THRB: variants seen among roughly 807,000 people sequenced by gnomAD.
The protein encoded by THRB is thyroid hormone receptor beta, also known as nuclear receptor subfamily 1 group A member 2.
THRB carries 12 observed loss-of-function variants against 47.8 expected under a neutral mutation model. The ratio of observed to expected loss-of-function variants is 0.25; its 90% CI spans 0.16 to 0.41. The LOEUF (loss-of-function observed/expected upper bound fraction) is 0.41. THRB is among the 10% of genes least tolerant of loss of function. The pLI, the probability that THRB is intolerant of heterozygous loss-of-function variation, is 1.00. For missense variants in THRB, 348 were observed against 589.2 expected (o/e 0.59, Z 4.24); for synonymous variants, 218 against 212.2 (o/e 1.03, Z -0.24).
Position 24,222,970 on chromosome 3 carries a change from G to A in THRB, c.22+5968C>T, listed in dbSNP as rs866612154. On this transcript the variant is annotated intron_variant, in intron 4 of 10. Transcript: ENST00000646209. ...CAATAAACCTCCAGATTTCCCTTCA[G>A]AATGGCTATGCCAGGAGCGTGTCCA... 2.0e-5 allele frequency among the ~76,000 whole-genome samples: 3 copies of A among 152,182 alleles called. No homozygotes were observed. In the South Asian group the frequency reaches 6.2e-4, roughly 32 times the overall value.
At chr3:24,205,596 C>T (rs1456598004) in intron 4 of THRB, among the ~76,000 whole-genome samples, 5 of 152,130 alleles carry the variant, frequency 3.3e-5, no homozygotes, top group African/African-American at 9.7e-5. Context: ...CATCAACTAA[C>T]GAGCAAAATA....
intron 3 of THRB, among the ~76,000 whole-genome samples, chr3:24,272,300 C>T (rs530864095): frequency 5.9e-5 from 9 of 151,938 alleles, no homozygotes; most frequent in Admixed American, 4.6e-4. Flanking sequence ...GAGTAGTGAT[C>T]GCACCACTGC....
chr3:24,371,384 C>A (rs185405608), intron 1 of THRB, among the ~76,000 whole-genome samples: 142 of 152,168 alleles, frequency 9.3e-4, no homozygotes, highest in Non-Finnish European at 1.8e-3. Context: ...AGACATGATT[C>A]CTACCATGTC....
chr3:24,339,778 CAG>C (rs776916814), intron 1 of THRB, among the ~76,000 whole-genome samples: 1 of 152,170 alleles, frequency 6.6e-6, no homozygotes, highest in Non-Finnish European at 1.5e-5. Flanking sequence ...CTTTAGGAAA[CAG>C]GGGCTGTGAA....
intron 1 of THRB, among the ~76,000 whole-genome samples, chr3:24,389,567 T>C (rs2066396538): frequency 6.6e-6 from 1 of 152,192 alleles, no homozygotes; most frequent in Non-Finnish European, 1.5e-5. Flanking sequence ...GCCTTTCAGG[T>C]TCTCAGCGAG....
intron 3 of THRB, among the ~76,000 whole-genome samples, chr3:24,261,515 A>AAC (rs1332532834): frequency 2.9e-4 from 42 of 145,738 alleles, no homozygotes; most frequent in African/African-American, 1.0e-3. Flanking sequence ...AAAAAAAAAA[A>AAC]AAACCAAAAA....
chr3:24,193,997 T>C (rs956374670), intron 4 of THRB, among the ~76,000 whole-genome samples: 1 of 152,238 alleles, frequency 6.6e-6, no homozygotes, highest in African/African-American at 2.4e-5. Context: ...AAGTGGAGAC[T>C]ATTATTCTAA....
intron 3 of THRB, among the ~76,000 whole-genome samples, chr3:24,259,053 C>T (rs1213065182): frequency 3.9e-5 from 6 of 152,168 alleles, no homozygotes; most frequent in African/African-American, 1.4e-4. Flanking sequence ...ATGCTTCCTT[C>T]GTGCCCCCAC....
chr3:24,358,779 C>T (rs1415804881), intron 1 of THRB, among the ~76,000 whole-genome samples: 3 of 152,054 alleles, frequency 2.0e-5, no homozygotes, highest in African/African-American at 4.8e-5. Flanking sequence ...TCCATAAGAA[C>T]ATCAGAAACC....
chr3:24,196,536 T>C (rs1361994286), intron 4 of THRB, among the ~76,000 whole-genome samples: 1 of 152,182 alleles, frequency 6.6e-6, no homozygotes, highest in African/African-American at 2.4e-5. Flanking sequence ...CTCTCTTCCC[T>C]TGCCTTACTC....
chr3:24,237,608 A>G (rs551442847), intron 3 of THRB, among the ~76,000 whole-genome samples: 1 of 152,274 alleles, frequency 6.6e-6, no homozygotes, highest in Admixed American at 6.5e-5. Flanking sequence ...TACAAAGAGC[A>G]TTGGCCTTGC....
chr3:24,308,001 G>A (rs981386830), intron 2 of THRB, among the ~76,000 whole-genome samples: 4 of 152,082 alleles, frequency 2.6e-5, no homozygotes, highest in East Asian at 3.9e-4. Context: ...TTGCCCATCC[G>A]GCAAAGAAAG....
At chr3:24,128,856 C>T in intron 9 of THRB, among the ~76,000 whole-genome samples, 1 of 78,756 alleles carries the variant, frequency 1.3e-5, no homozygotes, top group Non-Finnish European at 2.9e-5. Flanking sequence ...AAGAAGGAAA[C>T]ATAACTCTTT....
At chr3:24,214,061 G>C (rs918258910) in intron 4 of THRB, among the ~76,000 whole-genome samples, 1 of 152,160 alleles carries the variant, frequency 6.6e-6, no homozygotes, top group Admixed American at 6.5e-5. Flanking sequence ...ACTGACATAA[G>C]TAATGATCAT....
intron 3 of THRB, among the ~76,000 whole-genome samples, chr3:24,244,477 T>C (rs1021477070): frequency 6.6e-6 from 1 of 152,188 alleles, no homozygotes; most frequent in African/African-American, 2.4e-5. Flanking sequence ...TTGAAACTTC[T>C]TGATCAAGGC....
chr3:24,160,569 C>A (rs943064670), intron 5 of THRB, among the ~76,000 whole-genome samples: 2 of 152,052 alleles, frequency 1.3e-5, no homozygotes, highest in East Asian at 1.9e-4. Flanking sequence ...ACCGAGGGAG[C>A]TGATGAGAGG....
At chr3:24,447,426 C>T (rs140923270) in intron 1 of THRB, among the ~76,000 whole-genome samples, 52 of 152,292 alleles carry the variant, frequency 3.4e-4, no homozygotes, top group Non-Finnish European at 6.9e-4. Context: ...AGAACTTTCT[C>T]ATGCTACACC....
chr3:24,157,990 A>C (rs1305004258), intron 5 of THRB, among the ~76,000 whole-genome samples: 1 of 152,218 alleles, frequency 6.6e-6, no homozygotes, highest in African/African-American at 2.4e-5. Context: ...GAAGATGCAA[A>C]CCACTAAGAA....
At chr3:24,201,707 T>C (rs1158428460) in intron 4 of THRB, among the ~76,000 whole-genome samples, 6 of 152,224 alleles carry the variant, frequency 3.9e-5, no homozygotes, top group African/African-American at 1.2e-4. Flanking sequence ...AGGGAAATTA[T>C]ACATGCAGAA....
Sources: gnomAD v4.1 joint callset for allele counts (sites outside exome capture counted in the v4.1 genomes callset) on GRCh38, gnomAD v4.1.1 for gene constraint, MANE v1.5 for transcripts, NCBI Gene and HGNC (gene_info 2026-07-23, HGNC 2026-07-21) for gene names.